Variants in TNPO3 observed in about 807,000 individuals in gnomAD.
The protein encoded by TNPO3 is transportin 3.
Under a neutral mutation model 122.8 loss-of-function variants are expected in TNPO3, and 65 were observed. The ratio of observed to expected loss-of-function variants is 0.53; its 90% CI spans 0.43 to 0.65. The LOEUF (loss-of-function observed/expected upper bound fraction) is 0.65. TNPO3 is among the 30% of genes least tolerant of loss of function. The probability of loss-of-function intolerance (pLI) is 0.00; values close to 1 mark genes in which losing one functional copy is unlikely to be tolerated. For synonymous variants in TNPO3, 372 were observed against 411.2 expected (o/e 0.90, Z 1.15); for missense variants, 850 against 1,136.7 (o/e 0.75, Z 3.63).
rs1796718155 is a variant in TNPO3 at position 128,954,420 on chromosome 7, G to A, written c.*997C>T. ...TGACACATCATCCCTTGTTAGCCCTGTAAACATTTTTTCTCCACACACCCT... is the reference window on the plus strand; with the variant it reads ...TGACACATCATCCCTTGTTAGCCCTATAAACATTTTTTCTCCACACACCCT... On this transcript the variant is annotated 3_prime_UTR_variant, in exon 23 of 23. Transcript: ENST00000265388. The A allele has an allele frequency of 6.6e-6, 1 of 152,158 alleles. No individual in the cohort carries two copies. Among genetic ancestry groups the A allele is most frequent in the Non-Finnish European group, 1.5e-5 (1 of 68,034 alleles). 9.4% of individuals were successfully genotyped at this position (152,158 alleles called of 1,614,324 possible). A position where few individuals can be genotyped will look rare whatever the true frequency, so the allele number is the denominator to read the frequency against.
chr7:129,050,753 C>T (rs1808663903), intron 1 of TNPO3, among the ~76,000 whole-genome samples: 1 of 152,176 alleles, frequency 6.6e-6, no homozygotes, highest in South Asian at 2.1e-4. Flanking sequence ...GCTTATAACC[C>T]CCAGGCTGAC....
chr7:129,011,564 G>C (rs568562776), intron 4 of TNPO3, among the ~76,000 whole-genome samples: 2 of 151,596 alleles, frequency 1.3e-5, no homozygotes, highest in African/African-American at 4.9e-5. Context: ...GGATGGTCTC[G>C]AGCTCCTGAC....
intron 8 of TNPO3, among the ~76,000 whole-genome samples, chr7:128,995,912 C>T (rs980042267): frequency 2.0e-5 from 3 of 152,046 alleles, no homozygotes; most frequent in Admixed American, 1.3e-4. Context: ...TTGGCCAGGC[C>T]GGTCTCAAAT....
intron 1 of TNPO3, among the ~76,000 whole-genome samples, chr7:129,036,657 T>C (rs1429151001): frequency 6.6e-6 from 1 of 152,172 alleles, no homozygotes; most frequent in African/African-American, 2.4e-5. Flanking sequence ...TGGAAAAGTT[T>C]AAGGAGTAGG....
intron 21 of TNPO3, among the ~76,000 whole-genome samples, chr7:128,957,771 T>C (rs1347334135): frequency 6.6e-6 from 1 of 152,220 alleles, no homozygotes; most frequent in Admixed American, 6.5e-5. Context: ...ATAAGTTTCC[T>C]CATTCTCTTC....
chr7:129,011,059 G>A lies in TNPO3; in HGVS notation c.552+3920C>T, dbSNP rs80308795. Among the ~76,000 whole-genome samples the A allele has an allele frequency of 8.4e-4, 128 of 152,228 alleles. 2 individuals carry two copies. The highest frequency in any genetic ancestry group is 2.8e-3 in the African/African-American group (117 of 41,522). Reference sequence around the variant, plus strand: ...GAGGAAAGAATTCATTACATATAACGAATAGCTTTAGGCTTAATTCTCTTG... The same window carrying A: ...GAGGAAAGAATTCATTACATATAACAAATAGCTTTAGGCTTAATTCTCTTG... On this transcript the variant is annotated intron_variant, in intron 4 of 22. Transcript: ENST00000265388.
intron 1 of TNPO3, among the ~76,000 whole-genome samples, chr7:129,018,716 A>G (rs1804116433): frequency 6.6e-6 from 1 of 151,988 alleles, no homozygotes; most frequent in African/African-American, 2.4e-5. Flanking sequence ...ACATCCTTCA[A>G]TTATTTTCTT....
At chr7:129,045,990 G>C (rs1370133174) in intron 1 of TNPO3, among the ~76,000 whole-genome samples, 1 of 152,004 alleles carries the variant, frequency 6.6e-6, no homozygotes, top group Non-Finnish European at 1.5e-5. Context: ...ACGAGATCAG[G>C]AGATTGAGAC....
In TNPO3 at chr7:129,000,534, T is replaced by A. The variant is rs141881594; in HGVS notation, c.906A>T (p.Leu302=). The A allele has an allele frequency of 1.9e-6, 3 of 1,613,968 alleles. No individual in the cohort carries two copies. The highest frequency in any genetic ancestry group is 1.7e-5 in the Admixed American group (1 of 60,012). Residue 302 remains leucine, a synonymous_variant, in exon 7 of 23, where the codon CTA becomes CTT. Coordinates refer to ENST00000265388, the MANE Select transcript of TNPO3 (RefSeq NM_012470.4). ...CAATTTTTTCAAGAAAAGTTTCACA[T>A]AGTTCAGTGAAAATACGGCAGTAAT... ...VLNYCRIFTE[L]CETFLEKIVC... is the part of the protein sequence containing the mutation.
chr7:129,025,350 CAAAAAAAAAAAAAAAAAAAAAAAAAAAAA>C (rs71162548), intron 1 of TNPO3, among the ~76,000 whole-genome samples: 22 of 20,722 alleles, frequency 1.1e-3, no homozygotes, highest in South Asian at 5.5e-3. Context: ...AACTCTGTCA[CAAAAAAAAAAAAAAAAAAAAAAAAAAAAA>C]AAAAAAAAAA....
intron 20 of TNPO3, among the ~76,000 whole-genome samples, chr7:128,968,859 T>C (rs1798175006): frequency 6.6e-6 from 1 of 152,012 alleles, no homozygotes. Flanking sequence ...TATAGATGTA[T>C]GCCACCACAC....
chr7:129,011,633 C>T (rs903294891), intron 4 of TNPO3, among the ~76,000 whole-genome samples: 17 of 152,202 alleles, frequency 1.1e-4, no homozygotes, highest in South Asian at 4.1e-4. Context: ...TGAGCCACCA[C>T]GCCCAGCCTG....
intron 16 of TNPO3, among the ~76,000 whole-genome samples, chr7:128,977,903 A>G (rs1306162757): frequency 6.6e-6 from 1 of 152,174 alleles, no homozygotes; most frequent in African/African-American, 2.4e-5. Flanking sequence ...GCCAGGGGGA[A>G]CTCATTCTTA....
At chr7:129,053,864 G>C (rs1809119652) in intron 1 of TNPO3, among the ~76,000 whole-genome samples, 1 of 152,226 alleles carries the variant, frequency 6.6e-6, no homozygotes, top group South Asian at 2.1e-4. Flanking sequence ...AATTAGGGCA[G>C]GAAGCATAAA....
intron 17 of TNPO3, 53 bp from the exon 18 acceptor site, chr7:128,975,015 A>AT: frequency 7.1e-7 from 1 of 1,406,248 alleles, no homozygotes; most frequent in Non-Finnish European, 1.0e-6. Flanking sequence ...ATGCCACAGC[A>AT]TTCAGACTTG....
At chr7:129,054,584 C>T (rs888718294) in intron 1 of TNPO3, 67 bp downstream of exon 1, 1 of 1,596,766 alleles carries the variant, frequency 6.3e-7, no homozygotes, top group African/African-American at 1.3e-5. Flanking sequence ...CTCAGGTTCT[C>T]CCCCGGAGCC....
chr7:129,050,193 C>T (rs893068382), intron 1 of TNPO3, among the ~76,000 whole-genome samples: 4 of 151,822 alleles, frequency 2.6e-5, no homozygotes, highest in African/African-American at 9.7e-5. Flanking sequence ...ACCATCCTGG[C>T]TAACATGGTG....
Position 128,982,303 on chromosome 7 carries a change from T to C in TNPO3, c.1804A>G (p.Asn602Asp), listed in dbSNP as rs768966075. The change falls in exon 14 of 23, where the codon AAT (asparagine) becomes GAT (aspartate). Residue 602 changes from asparagine to aspartate, a missense_variant. By Grantham distance (23) the Asn-to-Asp change is conservative. Coordinates refer to ENST00000265388, the MANE Select transcript of TNPO3 (RefSeq NM_012470.4). ...ACTGTGGGATCTGAGGATATGCCAT[T>C]GCTGGGCTCTTGAGACAACAGCTGA... Reference protein sequence around the residue: ...LKKLLSQEPSNGISSDPTVFL... With the variant: ...LKKLLSQEPSDGISSDPTVFL... 7.4e-6 allele frequency: 12 copies of C among 1,613,310 alleles called. No homozygotes were observed. Among genetic ancestry groups the C allele is most frequent in the Non-Finnish European group, 1.0e-5 (12 of 1,179,488 alleles).
intron 11 of TNPO3, among the ~76,000 whole-genome samples, chr7:128,987,159 T>A (rs2150340431): frequency 6.6e-6 from 1 of 152,320 alleles, no homozygotes; most frequent in African/African-American, 2.4e-5. Flanking sequence ...CTCAGGGCAG[T>A]CAACGTTAAC....
Sources: gnomAD v4.1 joint callset for allele counts (sites outside exome capture counted in the v4.1 genomes callset) on GRCh38, gnomAD v4.1.1 for gene constraint, MANE v1.5 for transcripts, NCBI Gene and HGNC (gene_info 2026-07-23, HGNC 2026-07-21) for gene names.